The following PLEKHG5 variants were observed in gnomAD, a reference collection of about 807,000 sequenced individuals.
PLEKHG5 encodes the protein pleckstrin homology and RhoGEF domain containing G5.
A neutral mutation model predicts 103.8 loss-of-function variants in PLEKHG5; 52 were observed. That is an observed-to-expected ratio of 0.50 (90% confidence interval 0.40 to 0.63). The LOEUF (loss-of-function observed/expected upper bound fraction) is 0.63, where lower values mean the gene tolerates loss of function less well. Among genes scored for constraint, PLEKHG5 ranks in the 30% least tolerant of loss-of-function variants. PLEKHG5 has a pLI of 0.00. For synonymous variants in PLEKHG5, 592 were observed against 575.5 expected (o/e 1.03, Z -0.41); for missense variants, 1,205 against 1,347.6 (o/e 0.89, Z 1.66).
At chr1:6,489,211 C>T (rs555800281) in intron 1 of PLEKHG5, among the ~76,000 whole-genome samples, 203 of 152,286 alleles carry the variant, frequency 1.3e-3, no homozygotes, top group African/African-American at 4.7e-3. Flanking sequence ...CTTAGAAATC[C>T]AGGGGTGGAG....
chr1:6,493,034 A>C (rs190054301), upstream of PLEKHG5, among the ~76,000 whole-genome samples: 3 of 152,216 alleles, frequency 2.0e-5, no homozygotes, highest in Admixed American at 2.0e-4. Context: ...GCCTCCAGGA[A>C]GCCCATCCTG....
intron 1 of PLEKHG5, among the ~76,000 whole-genome samples, chr1:6,507,460 G>C (rs573866908): frequency 6.6e-6 from 1 of 152,322 alleles, no homozygotes; most frequent in African/African-American, 2.4e-5. Flanking sequence ...GCCAGGCTTT[G>C]CTGAGCCTCC....
In PLEKHG5 at chr1:6,470,499, C is replaced by T. The variant is rs892024987; in HGVS notation, c.1680+7G>A. 1.2e-6 allele frequency: 2 copies of T among 1,610,668 alleles called. No homozygotes were observed. Among genetic ancestry groups the T allele is most frequent in the East Asian group, 2.2e-5 (1 of 44,868 alleles). On this transcript the variant is annotated splice_region_variant and intron_variant, in intron 15 of 20. Coordinates refer to ENST00000377728, the MANE Select transcript of PLEKHG5 (RefSeq NM_020631.6). ...AGCCGGCAACCCCCGCAGACACACA[C>T]GCCCACCTTGTCCACTTCGTCGCTG...
intron 12 of PLEKHG5, 77 bp downstream of exon 12, chr1:6,471,411 C>A: frequency 6.7e-7 from 1 of 1,483,112 alleles, no homozygotes. Context: ...GCTGGGCAGA[C>A]CGGATCGGGC....
In PLEKHG5 at chr1:6,490,167, C is replaced by T. The variant is rs1645121479; in HGVS notation, c.-88+1470G>A. Among the ~76,000 whole-genome samples the T allele has an allele frequency of 6.6e-6, 1 of 152,190 alleles. No individual in the cohort carries two copies. The highest frequency in any genetic ancestry group is 2.4e-5 in the African/African-American group (1 of 41,450). ...GGGCCCCTCCAGGATCCCCCTGCCCCGCCAATACCCCCCATACCGGGGCCA... is the reference window on the plus strand; with the variant it reads ...GGGCCCCTCCAGGATCCCCCTGCCCTGCCAATACCCCCCATACCGGGGCCA... On this transcript the variant is annotated intron_variant, in intron 1 of 20. Transcript: ENST00000377728. This position sits in a 1 kb window ranked among gnomAD's most constrained non-coding sequence, Gnocchi z 8.0.
At chr1:6,517,111 G>A (rs1404068844) in intron 1 of PLEKHG5, among the ~76,000 whole-genome samples, 5 of 140,544 alleles carry the variant, frequency 3.6e-5, no homozygotes, top group Admixed American at 6.9e-5. Flanking sequence ...AAGGCCAGGC[G>A]CGGTAGCTCA....
chr1:6,488,713 C>T (rs903253906), intron 1 of PLEKHG5, among the ~76,000 whole-genome samples: 5 of 152,152 alleles, frequency 3.3e-5, no homozygotes, highest in African/African-American at 1.2e-4. Context: ...CTCTCCACAG[C>T]AGGGAGCTGA....
At chr1:6,492,565 A>C (rs1234730832), upstream of PLEKHG5, among the ~76,000 whole-genome samples, 1 of 152,048 alleles carries the variant, frequency 6.6e-6, no homozygotes, top group African/African-American at 2.4e-5. Flanking sequence ...GCACACCCAA[A>C]GTCTAGAGGT....
chr1:6,483,437 A>C (rs1292774708), intron 1 of PLEKHG5, among the ~76,000 whole-genome samples: 3 of 152,222 alleles, frequency 2.0e-5, no homozygotes, highest in Non-Finnish European at 2.9e-5. Context: ...TTTCTGTCTT[A>C]ATCTATCGTA....
At chr1:6,496,666 T>C, upstream of PLEKHG5, 2 of 810,428 alleles carry the variant, frequency 2.5e-6, no homozygotes, top group Non-Finnish European at 3.8e-6. Flanking sequence ...GGTGATCTCC[T>C]CAGTCCTCCC....
chr1:6,505,901 C>T lies in PLEKHG5; in HGVS notation c.-164-9332G>A, dbSNP rs1385575965. On this transcript the variant is annotated intron_variant, in intron 1 of 21. Coordinates refer to the PLEKHG5 transcript ENST00000377740. This position sits in a 1 kb window ranked among gnomAD's most constrained non-coding sequence, Gnocchi z 4.2. The stretch of plus-strand genomic sequence containing the variant: ...CAGCTCTCAGGAGTGGCTCTGGCCC[C>T]CACACCACCGTGGAGCAAGTGACTG... 6.6e-6 allele frequency: 1 copy of T among 152,572 alleles called. No individual in the cohort carries two copies. The highest frequency in any genetic ancestry group is 2.4e-5 in the African/African-American group (1 of 41,478). 9.5% of individuals were successfully genotyped at this position (152,572 alleles called of 1,614,324 possible). A position where few individuals can be genotyped will look rare whatever the true frequency, so the allele number is the denominator to read the frequency against.
In PLEKHG5 at chr1:6,491,582, C is replaced by G; in HGVS notation, c.-88+55G>C. On this transcript the variant is annotated intron_variant, in intron 1 of 20. Transcript: ENST00000377728. The surrounding 1 kb of genome is among the most constrained non-coding windows in gnomAD (Gnocchi z 4.1). ...CCTGGGGCATCCTGGTCTGCCGCTG[C>G]TCACCCCCAAAGCATTGCCCAGGAG... The G allele has an allele frequency of 2.2e-6, 2 of 903,574 alleles. No homozygotes were observed. Among genetic ancestry groups the G allele is most frequent in the Non-Finnish European group, 2.6e-6 (2 of 755,828 alleles). 56.0% of individuals were successfully genotyped at this position (903,574 alleles called of 1,614,324 possible).
At chr1:6,501,692 G>A (rs1020419351), upstream of PLEKHG5, among the ~76,000 whole-genome samples, 11 of 152,158 alleles carry the variant, frequency 7.2e-5, no homozygotes, top group African/African-American at 1.7e-4. This position sits in a 1 kb window ranked among gnomAD's most constrained non-coding sequence, Gnocchi z 4.3. Flanking sequence ...TGAGAGTAAC[G>A]AGGCTGTGAG....
At chr1:6,492,647 T>C (rs987612760), upstream of PLEKHG5, among the ~76,000 whole-genome samples, 2 of 152,092 alleles carry the variant, frequency 1.3e-5, no homozygotes, top group Non-Finnish European at 1.5e-5. Context: ...AAGCATGTTA[T>C]ATATGGGCCT....
intron 5 of PLEKHG5, 93 bp downstream of exon 5, chr1:6,474,954 A>G: frequency 2.4e-6 from 2 of 845,898 alleles, no homozygotes; most frequent in Non-Finnish European, 4.2e-6. Flanking sequence ...CCACACAGAC[A>G]CACACGTCAC....
upstream of PLEKHG5, among the ~76,000 whole-genome samples, chr1:6,497,942 G>A (rs974465588): frequency 2.0e-5 from 3 of 152,092 alleles, no homozygotes; most frequent in African/African-American, 7.2e-5. The surrounding 1 kb of genome is among the most constrained non-coding windows in gnomAD (Gnocchi z 6.1). Flanking sequence ...AATAACCTGT[G>A]CCCAGACCGA....
At chr1:6,491,929 G>C (rs918051716), upstream of PLEKHG5, among the ~76,000 whole-genome samples, 2 of 152,224 alleles carry the variant, frequency 1.3e-5, no homozygotes, top group African/African-American at 4.8e-5. The surrounding 1 kb of genome is among the most constrained non-coding windows in gnomAD (Gnocchi z 4.1). Context: ...CCTGTAGTGT[G>C]CTGAACCCCA....
chr1:6,485,041 C>T (rs1204980589), intron 1 of PLEKHG5, among the ~76,000 whole-genome samples: 13 of 152,114 alleles, frequency 8.5e-5, no homozygotes, highest in Admixed American at 8.5e-4. Context: ...AGCATAGGGC[C>T]CGGGACCCAC....
In PLEKHG5 at chr1:6,469,459, G is replaced by C. The variant is rs373933352; in HGVS notation, c.1934-9C>G. On this transcript the variant is annotated splice_polypyrimidine_tract_variant and intron_variant, in intron 17 of 20. Transcript: ENST00000377728. ...GATAAGGAGGAAGGACCCTGGTTAG[G>C]GAAGGCCCAAGTCAGTGTCAGCAGA... 15 of 1,613,752 alleles carry C rather than the reference G, an allele frequency of 9.3e-6. No individual in the cohort carries two copies. The highest frequency in any genetic ancestry group is 1.3e-5 in the Non-Finnish European group (15 of 1,179,836).
Sources: allele counts gnomAD v4.1 joint callset (sites outside exome capture counted in the v4.1 genomes callset), GRCh38; gene constraint gnomAD v4.1.1; non-coding constraint Gnocchi (gnomAD v3.1); transcripts MANE v1.5; gene names NCBI Gene and HGNC (gene_info 2026-07-23, HGNC 2026-07-21).